Variants in WASHC2A observed in about 807,000 individuals in gnomAD.
WASHC2A encodes WASH complex subunit 2A.
WASHC2A carries 82 observed loss-of-function variants against 140.3 expected under a neutral mutation model. The observed-to-expected ratio is 0.58, with a 90% CI of 0.49 to 0.70. The LOEUF (loss-of-function observed/expected upper bound fraction) is 0.70. WASHC2A is among the 30% of genes least tolerant of loss of function. The pLI is 0.00. For missense variants in WASHC2A, 985 were observed against 1,521.8 expected (o/e 0.65, Z 5.87); for synonymous variants, 340 against 560.8 (o/e 0.61, Z 5.56).
intron 6 of WASHC2A, among the ~76,000 whole-genome samples, chr10:50,084,789 G>T (rs1839244347): frequency 6.7e-6 from 1 of 149,568 alleles, no homozygotes; most frequent in African/African-American, 2.5e-5. Context: ...AGGCTGGAAT[G>T]CAATGGCGCG....
intron 8 of WASHC2A, among the ~76,000 whole-genome samples, chr10:50,090,515 A>AAAAAAATATATATATATATATATAT (rs1214596899): frequency 4.6e-5 from 5 of 108,762 alleles, no homozygotes; most frequent in African/African-American, 1.6e-4. Flanking sequence ...AAAAAAAAAA[A>AAAAAAATATATATATATATATATAT]ATATATATAT....
intron 16 of WASHC2A, among the ~76,000 whole-genome samples, chr10:50,098,756 G>C (rs1401128843): frequency 1.4e-5 from 2 of 145,202 alleles, no homozygotes; most frequent in African/African-American, 2.6e-5. Flanking sequence ...CCAGCCACTT[G>C]TATTGTAGAA....
rs1460615796 is a variant in WASHC2A, at chr10:50,094,414, C to G, written c.1180+497C>G. On this transcript the variant is annotated intron_variant, in intron 13 of 30. Transcript: ENST00000282633. ...AAACTCCTATCCTCAAGTGATCACC[C>G]GCCTAGACCTGGCAAAATGCTAGGA... 2.4e-3 allele frequency among the ~76,000 whole-genome samples: 357 copies of G among 147,898 alleles called. 2 individuals are homozygous for G. The highest frequency in any genetic ancestry group is 8.5e-3 in the African/African-American group (342 of 40,242).
At position 50,119,776 on chromosome 10, in the gene WASHC2A, A is replaced by C. The variant is rs1554892890; in HGVS notation, c.2478+7A>C. ...ACAGAAAGAAGTAGGAAAGGTAAGC[A>C]AAAAGCAATAGTGGTTCAAGTCTCT... On this transcript the variant is annotated splice_region_variant and intron_variant, in intron 23 of 30. Coordinates refer to ENST00000282633, the MANE Select transcript of WASHC2A (RefSeq NM_001005751.3). The C allele has an allele frequency of 4.4e-6, 7 of 1,607,598 alleles. No homozygotes were observed. The South Asian group carries it at 6.6e-5, about 15-fold the overall frequency.
intron 3 of WASHC2A, among the ~76,000 whole-genome samples, chr10:50,073,377 G>T (rs1462981373): frequency 6.6e-6 from 1 of 152,092 alleles, no homozygotes; most frequent in African/African-American, 2.4e-5. Context: ...ATGACCTTGA[G>T]CAGTAGGATA....
At chr10:50,077,568 C>T (rs1371814241) in intron 3 of WASHC2A, among the ~76,000 whole-genome samples, 3 of 151,968 alleles carry the variant, frequency 2.0e-5, no homozygotes, top group Admixed American at 2.0e-4. Context: ...GTGGTTTTTA[C>T]TGTACTCAAA....
rs538942776 is a variant in WASHC2A, at chr10:50,068,114, A to T, written c.13A>T (p.Thr5Ser). ...GTTTTTTTCGCTGCAGATGAACCGG[A>T]CGACCCCCGACCAGGAGCTGGCGCC... is the stretch of plus-strand genomic sequence containing the variant. MMNRTTPDQELAPAS... is the reference protein window; with the variant it reads MMNRSTPDQELAPAS... The change falls in exon 2 of 31, where the codon ACG (threonine) becomes TCG (serine). Residue 5 changes from threonine (T) to serine (S), a missense_variant. Thr to Ser is a moderately conservative substitution (Grantham distance 58, BLOSUM62 1). Transcript: ENST00000282633. 2.2e-5 allele frequency: 36 copies of T among 1,606,250 alleles called. No individual in the cohort carries two copies. The South Asian group carries it at 3.6e-4, about 16-fold the overall frequency.
intron 8 of WASHC2A, 152 bp from the exon 9 acceptor site, chr10:50,090,624 A>G (rs1839845870): frequency 5.9e-6 from 3 of 507,644 alleles, no homozygotes; most frequent in South Asian, 1.7e-4. Context: ...TATTTCTTCC[A>G]GCACATCTTT....
At chr10:50,100,888 G>T (rs1467039454) in intron 17 of WASHC2A, among the ~76,000 whole-genome samples, 1 of 152,306 alleles carries the variant, frequency 6.6e-6, no homozygotes, top group Admixed American at 6.5e-5. Context: ...CTCAGGCCTA[G>T]GTCGTCTTAG....
chr10:50,116,603 G>A (rs1217245983), intron 21 of WASHC2A, among the ~76,000 whole-genome samples: 9 of 150,296 alleles, frequency 6.0e-5, no homozygotes, highest in Middle Eastern at 3.2e-3. Context: ...GTGAGCCACC[G>A]TGCCCGGCCT....
rs1411940589 is a variant in WASHC2A at position 50,116,337 on chromosome 10, A to G, written c.2143-1569A>G. On this transcript the variant is annotated intron_variant, in intron 21 of 30. Transcript: ENST00000282633. Reference sequence around the variant, plus strand: ...ATTATTATTTTTTTTTTTTTTTGAGACGGAGTCTTGCTCTTTCGTCCAGGC... The same window carrying G: ...ATTATTATTTTTTTTTTTTTTTGAGGCGGAGTCTTGCTCTTTCGTCCAGGC... 2.6e-5 allele frequency among the ~76,000 whole-genome samples: 2 copies of G among 77,078 alleles called. 1 individual carries two copies. Among genetic ancestry groups the G allele is most frequent in the African/African-American group, 1.2e-4 (2 of 17,314 alleles). The allele number at this position is 77,078 out of a possible 152,430, so 50.6% of individuals were successfully genotyped here. A position where few individuals can be genotyped will look rare whatever the true frequency, so the allele number is the denominator to read the frequency against.
chr10:50,129,429 A>G lies in WASHC2A; in HGVS notation c.3098A>G (p.Lys1033Arg), dbSNP rs572237385. ...TLHSANKSRVKMRGKRRPQTR... is the reference protein window; with the variant it reads ...TLHSANKSRVRMRGKRRPQTR... ...TTTTTGCCATTGCAGAGCCGTGTCAAGATGAGAGGGAAGCGTAGACCGCAG... is the reference window on the plus strand; with the variant it reads ...TTTTTGCCATTGCAGAGCCGTGTCAGGATGAGAGGGAAGCGTAGACCGCAG... Residue 1033 changes from lysine (K) to arginine (R), a missense_variant, in exon 29 of 31, where the codon AAG becomes AGG. By Grantham distance (26) the Lys-to-Arg change is conservative. Transcript: ENST00000282633. 55 of 1,612,064 alleles carry G rather than the reference A, an allele frequency of 3.4e-5. No individual in the cohort carries two copies. In the African/African-American group the frequency reaches 7.1e-4, roughly 21 times the overall value.
chr10:50,104,379 T>C (rs1240822892), intron 18 of WASHC2A, among the ~76,000 whole-genome samples: 1 of 150,184 alleles, frequency 6.7e-6, no homozygotes, highest in Non-Finnish European at 1.5e-5. Context: ...TTTTTTTTTT[T>C]TTTCCGAGTT....
intron 13 of WASHC2A, among the ~76,000 whole-genome samples, chr10:50,094,675 C>G (rs1294625038): frequency 6.6e-6 from 1 of 151,836 alleles, no homozygotes; most frequent in East Asian, 1.9e-4. Flanking sequence ...CTGCTTTCTG[C>G]TGTCCATGTT....
intron 16 of WASHC2A, among the ~76,000 whole-genome samples, chr10:50,099,431 G>C (rs1337132648): frequency 4.0e-5 from 6 of 149,978 alleles, no homozygotes; most frequent in Non-Finnish European, 7.4e-5. Flanking sequence ...CACCATGCCC[G>C]GCTAATTTTT....
intron 18 of WASHC2A, among the ~76,000 whole-genome samples, chr10:50,104,744 T>A (rs1376017166): frequency 6.0e-5 from 9 of 151,142 alleles, no homozygotes; most frequent in Non-Finnish European, 1.0e-4. Flanking sequence ...TTTAACAGTG[T>A]GGAGGTTATT....
At chr10:50,087,850 T>A (rs1839517941) in intron 8 of WASHC2A, among the ~76,000 whole-genome samples, 1 of 151,810 alleles carries the variant, frequency 6.6e-6, no homozygotes, top group Non-Finnish European at 1.5e-5. Flanking sequence ...AGTTTTGCTC[T>A]TGTTGTCCAG....
At chr10:50,075,852 T>C (rs1415512960) in intron 3 of WASHC2A, among the ~76,000 whole-genome samples, 1 of 152,100 alleles carries the variant, frequency 6.6e-6, no homozygotes, top group Non-Finnish European at 1.5e-5. Context: ...TATTCAGAAT[T>C]GTCATGGTTA....
intron 3 of WASHC2A, among the ~76,000 whole-genome samples, chr10:50,077,109 T>TC (rs570668916): frequency 0.58 from 81,726 of 140,608 alleles, 23,787 homozygotes; most frequent in Admixed American, 0.64. Context: ...AGAGTGAGAC[T>TC]CCATCTCAAA....
Sources: gnomAD v4.1 joint callset for allele counts (sites outside exome capture counted in the v4.1 genomes callset) on GRCh38, gnomAD v4.1.1 for gene constraint, MANE v1.5 for transcripts, NCBI Gene and HGNC (gene_info 2026-07-23, HGNC 2026-07-21) for gene names.